Variants in UBE4B observed in about 807,000 individuals in gnomAD.
The protein encoded by UBE4B is ubiquitination factor E4B.
Under a neutral mutation model 148.1 loss-of-function variants are expected in UBE4B, and 27 were observed. The ratio of observed to expected loss-of-function variants is 0.18; its 90% CI spans 0.13 to 0.25. The LOEUF is 0.25. UBE4B is among the 10% of genes least tolerant of loss of function. The pLI, the probability that UBE4B is intolerant of heterozygous loss-of-function variation, is 1.00. For missense variants in UBE4B, 1,170 were observed against 1,662.4 expected (o/e 0.70, Z 5.15); for synonymous variants, 596 against 619.3 (o/e 0.96, Z 0.56).
At chr1:10,092,577 T>C (rs931637665) in intron 2 of UBE4B, among the ~76,000 whole-genome samples, 3 of 151,862 alleles carry the variant, frequency 2.0e-5, no homozygotes, top group Admixed American at 6.6e-5. Context: ...CCTGTAATCC[T>C]AACACTTTGG....
intron 15 of UBE4B, among the ~76,000 whole-genome samples, chr1:10,134,704 A>C (rs1645649697): frequency 6.6e-6 from 1 of 152,080 alleles, no homozygotes; most frequent in Non-Finnish European, 1.5e-5. Context: ...CTTTCTTACA[A>C]AGTTTGCCAA....
At chr1:10,055,508 G>C (rs1187324932) in intron 1 of UBE4B, among the ~76,000 whole-genome samples, 2 of 151,964 alleles carry the variant, frequency 1.3e-5, no homozygotes, top group Non-Finnish European at 2.9e-5. Context: ...TGTAGCGATG[G>C]GGTCTCGTTA....
chr1:10,051,656 G>C (rs1310933758), intron 1 of UBE4B, among the ~76,000 whole-genome samples: 1 of 152,196 alleles, frequency 6.6e-6, no homozygotes, highest in East Asian at 1.9e-4. Context: ...TACTAAGAGG[G>C]TGAAGGTGGA....
At chr1:10,109,146 C>T (rs1178165648) in intron 7 of UBE4B, among the ~76,000 whole-genome samples, 1 of 152,062 alleles carries the variant, frequency 6.6e-6, no homozygotes, top group Non-Finnish European at 1.5e-5. Flanking sequence ...TCAGCTCTGT[C>T]CATGTATCAG....
At chr1:10,159,896 A>G (rs1646133589) in intron 22 of UBE4B, among the ~76,000 whole-genome samples, 2 of 152,216 alleles carry the variant, frequency 1.3e-5, no homozygotes, top group Admixed American at 1.3e-4. Context: ...TATGGTCAGA[A>G]TTGTGTTCCA....
At chr1:10,175,646 G>T (rs538784970) in intron 25 of UBE4B, among the ~76,000 whole-genome samples, 6 of 151,456 alleles carry the variant, frequency 4.0e-5, no homozygotes, top group African/African-American at 7.3e-5. Flanking sequence ...GCGAGACTCC[G>T]TCTCAAATAA....
chr1:10,048,822 A>G (rs529086618), intron 1 of UBE4B, among the ~76,000 whole-genome samples: 1 of 152,224 alleles, frequency 6.6e-6, no homozygotes, highest in East Asian at 1.9e-4. Flanking sequence ...CCAGGGGTGC[A>G]CTGGGAAGCC....
intron 15 of UBE4B, among the ~76,000 whole-genome samples, chr1:10,133,601 C>T (rs1645631295): frequency 1.3e-5 from 2 of 152,100 alleles, no homozygotes; most frequent in Admixed American, 6.6e-5. Context: ...TGTTTTGATG[C>T]TCTTGAGGGA....
At chr1:10,036,082 CTTT>C (rs112866835) in intron 1 of UBE4B, among the ~76,000 whole-genome samples, 39 of 136,440 alleles carry the variant, frequency 2.9e-4, no homozygotes, top group African/African-American at 7.5e-4. Flanking sequence ...CTATAAATTA[CTTT>C]TTTTTTTTTT....
intron 25 of UBE4B, among the ~76,000 whole-genome samples, chr1:10,172,702 T>G (rs1340141613): frequency 1.3e-5 from 2 of 152,208 alleles, no homozygotes; most frequent in African/African-American, 4.8e-5. Context: ...TAGGTACTTT[T>G]TTTTAATGAC....
intron 1 of UBE4B, among the ~76,000 whole-genome samples, chr1:10,053,827 C>G (rs1644104238): frequency 2.0e-5 from 3 of 152,022 alleles, no homozygotes; most frequent in African/African-American, 4.8e-5. Flanking sequence ...GTATCTGTGA[C>G]CACAGGTGTT....
At chr1:10,055,205 A>G (rs1644140236) in intron 1 of UBE4B, among the ~76,000 whole-genome samples, 1 of 152,320 alleles carries the variant, frequency 6.6e-6, no homozygotes, top group Non-Finnish European at 1.5e-5. Context: ...TGTGAGTGGG[A>G]GAATTTTAAT....
chr1:10,052,224 A>G (rs1644062562), intron 1 of UBE4B, among the ~76,000 whole-genome samples: 1 of 151,506 alleles, frequency 6.6e-6, no homozygotes, highest in Non-Finnish European at 1.5e-5. Context: ...ATGCCACCAT[A>G]CCTGGCTGAT....
intron 23 of UBE4B, among the ~76,000 whole-genome samples, chr1:10,164,381 G>C (rs1646215981): frequency 6.6e-6 from 1 of 151,592 alleles, no homozygotes; most frequent in Non-Finnish European, 1.5e-5. Context: ...AAAGAGTCTT[G>C]CTCTGTCACC....
Position 10,126,817 on chromosome 1 carries a change from C to T in UBE4B, c.1578C>T (p.Gly526=). ...AGATATTTATCCCCATTTTACAAGG[C>T]CTGGCTCTTGCTGCCAAAGAGTGCT... is the stretch of plus-strand genomic sequence containing the variant. ...FKQIFIPILQ[G]LALAAKECSL... is the part of the protein sequence containing the mutation. The change falls in exon 11 of 28, where the codon GGC becomes GGT. Residue 526 remains glycine, a synonymous_variant. Coordinates refer to ENST00000343090, the MANE Select transcript of UBE4B (RefSeq NM_001105562.3). The T allele has an allele frequency of 6.2e-7, 1 of 1,613,942 alleles. No homozygotes were observed. Among genetic ancestry groups the T allele is most frequent in the East Asian group, 2.2e-5 (1 of 44,876 alleles).
chr1:10,139,343 A>C (rs1001844857), intron 17 of UBE4B, among the ~76,000 whole-genome samples: 62 of 152,048 alleles, frequency 4.1e-4, no homozygotes, highest in Admixed American at 7.9e-4. Context: ...GTGAGCCAAG[A>C]CCGAGCCACT....
intron 1 of UBE4B, among the ~76,000 whole-genome samples, chr1:10,069,735 G>A (rs748150535): frequency 6.6e-6 from 1 of 152,024 alleles, no homozygotes; most frequent in Non-Finnish European, 1.5e-5. Context: ...GGGTTTTGCC[G>A]TGTTGGCCAG....
chr1:10,158,272 A>G, intron 21 of UBE4B, 84 bp from the exon 22 acceptor site: 1 of 1,517,672 alleles, frequency 6.6e-7, no homozygotes, highest in East Asian at 2.3e-5. Flanking sequence ...GTTTACATTC[A>G]CTCAGTATCA....
At chr1:10,121,881 C>A in intron 9 of UBE4B, 81 bp from the exon 10 acceptor site, 1 of 822,956 alleles carries the variant, frequency 1.2e-6, no homozygotes. Context: ...TTTGACTGGG[C>A]AGTTGTTGCT....
Sources: gnomAD v4.1 joint callset for allele counts (sites outside exome capture counted in the v4.1 genomes callset) on GRCh38, gnomAD v4.1.1 for gene constraint, MANE v1.5 for transcripts, NCBI Gene and HGNC (gene_info 2026-07-23, HGNC 2026-07-21) for gene names.